CACNA1E: variants seen among roughly 807,000 people sequenced by gnomAD.
The protein encoded by CACNA1E is calcium voltage-gated channel subunit alpha1 E.
In CACNA1E, 40 loss-of-function variants were observed where a neutral mutation model predicts 259.2. That is an observed-to-expected ratio of 0.15 (90% CI 0.12 to 0.20). The LOEUF (loss-of-function observed/expected upper bound fraction) is 0.20. Ranked by LOEUF, CACNA1E falls within the 10% of genes least tolerant of loss-of-function variation. The probability of loss-of-function intolerance (pLI) is 1.00; values close to 1 mark genes in which losing one functional copy is unlikely to be tolerated. For synonymous variants in CACNA1E, 1,104 were observed against 1,138.5 expected (o/e 0.97, Z 0.61); for missense variants, 1,874 against 3,040.1 (o/e 0.62, Z 9.02).
intron 7 of CACNA1E, among the ~76,000 whole-genome samples, chr1:181,674,633 T>G (rs1041565673): frequency 1.3e-5 from 2 of 152,166 alleles, no homozygotes; most frequent in South Asian, 4.1e-4. Flanking sequence ...CCATGTTTTC[T>G]GGGCCAGTTA....
chr1:181,650,812 A>G (rs1360238529), intron 6 of CACNA1E, among the ~76,000 whole-genome samples: 1 of 152,216 alleles, frequency 6.6e-6, no homozygotes, highest in Non-Finnish European at 1.5e-5. Flanking sequence ...AGCCTGGGCC[A>G]GCTCTGTGCT....
chr1:181,758,747 C>T lies in CACNA1E; in HGVS notation c.4495-11C>T, dbSNP rs1313828636. The T allele has an allele frequency of 2.8e-6, 4 of 1,434,784 alleles. No individual in the cohort carries two copies. The Admixed American group carries it at 5.4e-5, about 19-fold the overall frequency. 88.9% of individuals were successfully genotyped at this position (1,434,784 alleles called of 1,614,324 possible). On this transcript the variant is annotated splice_polypyrimidine_tract_variant and intron_variant, in intron 31 of 47. Transcript: ENST00000367573. This position sits in a 1 kb window ranked among gnomAD's most constrained non-coding sequence, Gnocchi z 4.2. Reference sequence around the variant, plus strand: ...TGTGATTCTTTCTCTCTTCTTTTTTCTTCCTGGCAGTATTATTCTGCTCCC... The same window carrying T: ...TGTGATTCTTTCTCTCTTCTTTTTTTTTCCTGGCAGTATTATTCTGCTCCC...
chr1:181,779,397 A>G (rs1660225090), intron 38 of CACNA1E: 2 of 397,336 alleles, frequency 5.0e-6, no homozygotes, highest in South Asian at 1.9e-5. Flanking sequence ...TTTCTTTTCT[A>G]CCCTTCTCTG....
chr1:181,420,427 T>TA (rs1238761039), intron 2 of CACNA1E, among the ~76,000 whole-genome samples: 1 of 152,236 alleles, frequency 6.6e-6, no homozygotes, highest in Non-Finnish European at 1.5e-5. Context: ...TTTATAACTT[T>TA]AGCAAGTGGG....
chr1:181,407,586 T>G (rs552487498), intron 1 of CACNA1E, among the ~76,000 whole-genome samples: 6 of 152,342 alleles, frequency 3.9e-5, no homozygotes, highest in African/African-American at 1.4e-4. Context: ...ATGGTTCTGA[T>G]GTACATTAGA....
upstream of CACNA1E, among the ~76,000 whole-genome samples, chr1:181,481,795 C>T (rs554173866): frequency 1.3e-5 from 2 of 152,078 alleles, no homozygotes; most frequent in South Asian, 2.1e-4. Flanking sequence ...GCTTGGAGTC[C>T]ACCTTTCCCA....
rs1177126038 is a variant in CACNA1E at position 181,801,542 on chromosome 1, A to G, written c.*2708A>G. The G allele has an allele frequency of 2.0e-5, 3 of 152,180 alleles. No individual in the cohort carries two copies. The highest frequency in any genetic ancestry group is 6.5e-5 in the Admixed American group (1 of 15,284). The allele number at this position is 152,180 out of a possible 1,614,324, so 9.4% of individuals were successfully genotyped here. ...CTCAGCCTGCACTTACTCTTCTATT[A>G]AGACCAGAAAATAAAATAATTTTCC... On this transcript the variant is annotated 3_prime_UTR_variant, in exon 48 of 48. Coordinates refer to ENST00000367573, the MANE Select transcript of CACNA1E (RefSeq NM_001205293.3).
rs368602469 is a variant in CACNA1E, at chr1:181,794,836, G to A, written c.6028-28G>A. ...CTTTTCAATCGTTAATCCATACCTTGTGTTTCTCTGGGGGCTTGTATTTCC... is the reference window on the plus strand; with the variant it reads ...CTTTTCAATCGTTAATCCATACCTTATGTTTCTCTGGGGGCTTGTATTTCC... On this transcript the variant is annotated intron_variant, in intron 45 of 47. Coordinates refer to ENST00000367573, the MANE Select transcript of CACNA1E (RefSeq NM_001205293.3). 1.3e-4 allele frequency: 211 copies of A among 1,591,180 alleles called. No individual in the cohort carries two copies. In the African/African-American group the frequency reaches 2.2e-3, roughly 17 times the overall value.
At chr1:181,774,258 A>AAAAGT (rs1659774044) in intron 37 of CACNA1E, among the ~76,000 whole-genome samples, 1 of 152,270 alleles carries the variant, frequency 6.6e-6, no homozygotes, top group African/African-American at 2.4e-5. Context: ...AGGTACCCCG[A>AAAAGT]AAAGTATACA....
At chr1:181,489,712 T>C (rs1664151019) in intron 1 of CACNA1E, among the ~76,000 whole-genome samples, 1 of 152,184 alleles carries the variant, frequency 6.6e-6, no homozygotes, top group Non-Finnish European at 1.5e-5. Flanking sequence ...ACGACTAGGC[T>C]AAGGAACAGT....
intron 1 of CACNA1E, among the ~76,000 whole-genome samples, chr1:181,506,276 C>T (rs1458849770): frequency 6.6e-6 from 1 of 152,212 alleles, no homozygotes; most frequent in East Asian, 1.9e-4. Flanking sequence ...GTGTTATTTG[C>T]CGTCTAGGCT....
intron 12 of CACNA1E, 63 bp from the exon 13 acceptor site, chr1:181,719,688 G>A (rs1430225745): frequency 9.7e-6 from 8 of 825,474 alleles, no homozygotes; most frequent in Non-Finnish European, 1.2e-5. Flanking sequence ...TGTGCTGGGC[G>A]CTAGAATGCC....
intron 43 of CACNA1E, among the ~76,000 whole-genome samples, chr1:181,787,630 C>T (rs920968781): frequency 1.3e-5 from 2 of 152,160 alleles, no homozygotes; most frequent in African/African-American, 2.4e-5. Flanking sequence ...AACACGTCCC[C>T]ATGGAGACAA....
intron 1 of CACNA1E, among the ~76,000 whole-genome samples, chr1:181,487,487 G>A (rs946851775): frequency 6.6e-6 from 1 of 152,184 alleles, no homozygotes. Flanking sequence ...AGCTACATCT[G>A]CATAGGGAGA....
intron 1 of CACNA1E, among the ~76,000 whole-genome samples, chr1:181,334,456 A>G (rs745320996): frequency 2.6e-5 from 4 of 152,194 alleles, no homozygotes; most frequent in Non-Finnish European, 4.4e-5. Context: ...ATCCACATGG[A>G]TGTCTGACAG....
At chr1:181,682,315 T>G (rs957944565) in intron 7 of CACNA1E, among the ~76,000 whole-genome samples, 1 of 152,192 alleles carries the variant, frequency 6.6e-6, no homozygotes, top group South Asian at 2.1e-4. Context: ...TAGGACTTGA[T>G]GATAAAAACT....
chr1:181,607,716 T>C (rs1558179646), intron 6 of CACNA1E, among the ~76,000 whole-genome samples: 1 of 152,156 alleles, frequency 6.6e-6, no homozygotes, highest in Non-Finnish European at 1.5e-5. Context: ...CATGAGAGTG[T>C]TGGAATTAAG....
intron 25 of CACNA1E, among the ~76,000 whole-genome samples, chr1:181,739,554 A>C (rs531730963): frequency 6.6e-6 from 1 of 152,174 alleles, no homozygotes; most frequent in African/African-American, 2.4e-5. Context: ...CAGTGTGGAC[A>C]GTGTTTCCAT....
chr1:181,356,194 T>C lies in CACNA1E; in HGVS notation c.-15+38071T>C, dbSNP rs533220516. ...ACAAGTGCTCCTGAAGACAGATTTA[T>C]TAGGAATATTCTAGATGACTTAGAG... On this transcript the variant is annotated intron_variant, in intron 1 of 11. Transcript: ENST00000524607. 3.3e-5 allele frequency among the ~76,000 whole-genome samples: 5 copies of C among 152,270 alleles called. No homozygotes were observed. In the South Asian group the frequency reaches 1.0e-3, roughly 32 times the overall value.
Sources: gnomAD v4.1 joint callset for allele counts (sites outside exome capture counted in the v4.1 genomes callset) on GRCh38, gnomAD v4.1.1 for gene constraint, Gnocchi (gnomAD v3.1) non-coding constraint, MANE v1.5 for transcripts, NCBI Gene and HGNC (gene_info 2026-07-23, HGNC 2026-07-21) for gene names.